Variants in WDFY4 observed in about 807,000 individuals in gnomAD.
WDFY4 encodes the protein WD repeat- and FYVE domain-containing protein 4.
Under a neutral mutation model 351.9 loss-of-function variants are expected in WDFY4, and 169 were observed. That is an observed-to-expected ratio of 0.48 (90% CI 0.42 to 0.55). The LOEUF is 0.55. Ranked by LOEUF, WDFY4 falls within the 20% of genes least tolerant of loss-of-function variation. The pLI, the probability that WDFY4 is intolerant of heterozygous loss-of-function variation, is 0.00. For missense variants in WDFY4, 3,803 were observed against 3,935.6 expected, an observed-to-expected ratio of 0.97 and a Z score of 0.90; for synonymous variants, 1,622 against 1,574.6, an observed-to-expected ratio of 1.03 and a Z score of -0.71.
At chr10:48,760,260 T>C in intron 12 of WDFY4, 87 bp from the exon 13 acceptor site, 1 of 1,229,266 alleles carries the variant, frequency 8.1e-7, no homozygotes, top group Non-Finnish European at 1.2e-6. Context: ...ATGATCTGTC[T>C]TAGAAAGAAA....
chr10:48,826,247 T>A (rs2068005373), intron 35 of WDFY4, among the ~76,000 whole-genome samples: 1 of 152,210 alleles, frequency 6.6e-6, no homozygotes, highest in Non-Finnish European at 1.5e-5. Flanking sequence ...GTCAGGTTTG[T>A]CGAAGATCAG....
At chr10:48,800,711 T>TTTCTTTCC (rs1242506692) in intron 24 of WDFY4, among the ~76,000 whole-genome samples, 11 of 137,742 alleles carry the variant, frequency 8.0e-5, no homozygotes, top group African/African-American at 2.9e-4. Flanking sequence ...TCTTTCTTTC[T>TTTCTTTCC]TTCTTTCTTT....
chr10:48,874,664 A>T (rs1182220080), intron 41 of WDFY4, among the ~76,000 whole-genome samples: 1 of 152,200 alleles, frequency 6.6e-6, no homozygotes, highest in Non-Finnish European at 1.5e-5. Flanking sequence ...AAAATAAAAA[A>T]TAAAAAAAAT....
intron 1 of WDFY4, among the ~76,000 whole-genome samples, chr10:48,697,304 C>T (rs2063356173): frequency 6.6e-6 from 1 of 152,228 alleles, no homozygotes; most frequent in African/African-American, 2.4e-5. Context: ...GTTCTATGAG[C>T]CACCCACATC....
chr10:48,920,492 T>C (rs1838971199), intron 47 of WDFY4, among the ~76,000 whole-genome samples: 1 of 151,758 alleles, frequency 6.6e-6, no homozygotes, highest in Non-Finnish European at 1.5e-5. Context: ...GTTGTGCACA[T>C]ATACCCTAAA....
At position 48,795,522 on chromosome 10, in the gene WDFY4, TACATATATATATACAC is replaced by T. The variant is rs1479158749; in HGVS notation, c.4258-772_4258-757del. 1.8e-3 allele frequency among the ~76,000 whole-genome samples: 193 copies of T among 106,168 alleles called. 10 individuals carry two copies. Among genetic ancestry groups the T allele is most frequent in the African/African-American group, 7.1e-3 (139 of 19,594 alleles). The allele number at this position is 106,168 out of a possible 152,430, so 69.7% of individuals were successfully genotyped here. ...ATATATATATATATATATATATATA[TACATATATATATACAC>T]ACACATGAATAGTCTGGAAAGATAT... On this transcript the variant is annotated intron_variant, in intron 23 of 61. Transcript: ENST00000325239.
chr10:48,784,644 T>C (rs4838648), intron 19 of WDFY4, among the ~76,000 whole-genome samples: 66,912 of 145,710 alleles, frequency 0.46, 17,850 homozygotes, highest in East Asian at 0.85. Context: ...TGGGTTCAAG[T>C]GATTCTTCTG....
intron 53 of WDFY4, among the ~76,000 whole-genome samples, chr10:48,962,216 CAGGTGGTAGGCT>C (rs1458427019): frequency 6.6e-6 from 1 of 152,190 alleles, no homozygotes; most frequent in East Asian, 1.9e-4. Context: ...TACCCCAAGC[CAGGTGGTAGGCT>C]TGGGAGAGCC....
At position 48,786,544 on chromosome 10, in the gene WDFY4, A is replaced by G. The variant is rs187284017; in HGVS notation, c.3577-95A>G. 8,561 of 895,608 alleles carry G rather than the reference A, an allele frequency of 9.6e-3. 67 individuals carry two copies. The highest frequency in any genetic ancestry group is 0.012 in the Non-Finnish European group (7,478 of 618,886). The allele number at this position is 895,608 out of a possible 1,614,324, so 55.5% of individuals were successfully genotyped here. On this transcript the variant is annotated intron_variant, in intron 19 of 61. Transcript: ENST00000325239. ...AGATAAAATACATTTTTACTATGAGATGAGAATAAGATGCATCATGTTATA... is the reference window on the plus strand; with the variant it reads ...AGATAAAATACATTTTTACTATGAGGTGAGAATAAGATGCATCATGTTATA...
At chr10:48,981,149 G>A (rs772929952) in intron 60 of WDFY4, among the ~76,000 whole-genome samples, 2 of 152,192 alleles carry the variant, frequency 1.3e-5, no homozygotes, top group African/African-American at 2.4e-5. Context: ...ACCGAGGCAC[G>A]TCAGCACATG....
At chr10:48,779,605 C>T (rs1172827161) in intron 18 of WDFY4, among the ~76,000 whole-genome samples, 1 of 152,178 alleles carries the variant, frequency 6.6e-6, no homozygotes, top group African/African-American at 2.4e-5. Flanking sequence ...TGAAGCCTGG[C>T]TTCTGGGTTT....
intron 22 of WDFY4, 117 bp from the exon 23 acceptor site, chr10:48,790,610 C>G (rs1050725264): frequency 4.1e-6 from 5 of 1,209,280 alleles, no homozygotes; most frequent in Non-Finnish European, 4.6e-6. Context: ...ACAGGTCCCT[C>G]TGGCTGTGGA....
chr10:48,907,905 G>A (rs1300385268), intron 47 of WDFY4, among the ~76,000 whole-genome samples: 8 of 152,228 alleles, frequency 5.3e-5, no homozygotes, highest in Non-Finnish European at 1.0e-4. Context: ...GAGTCACTGG[G>A]ACCAGAGGCG....
intron 13 of WDFY4, among the ~76,000 whole-genome samples, chr10:48,771,897 G>A (rs896483370): frequency 6.6e-6 from 1 of 152,174 alleles, no homozygotes; most frequent in African/African-American, 2.4e-5. Flanking sequence ...TTACTGGGTG[G>A]TGTAACAGGT....
Position 48,900,314 on chromosome 10 carries a change from C to G in WDFY4, c.7523+8C>G, listed in dbSNP as rs771112271. ...GAGTAAGGCCTTTAAAAGGTAAGAG[C>G]TTGAAAATCCTCCTTCTGAGGAAAC... On this transcript the variant is annotated splice_region_variant and intron_variant, in intron 46 of 61. Coordinates refer to ENST00000325239, the MANE Select transcript of WDFY4 (RefSeq NM_001394531.1). 1.3e-6 allele frequency: 2 copies of G among 1,548,530 alleles called. No homozygotes were observed. Among genetic ancestry groups the G allele is most frequent in the Admixed American group, 2.0e-5 (1 of 50,838 alleles).
intron 2 of WDFY4, among the ~76,000 whole-genome samples, chr10:48,714,263 T>A (rs1385750312): frequency 6.6e-6 from 1 of 152,242 alleles, no homozygotes; most frequent in Non-Finnish European, 1.5e-5. Flanking sequence ...GTCTGGTTTG[T>A]CTTTCCTTAT....
Position 48,903,789 on chromosome 10 carries a change from G to A in WDFY4, c.7586+1926G>A, listed in dbSNP as rs548379776. On this transcript the variant is annotated intron_variant, in intron 47 of 61. Coordinates refer to ENST00000325239, the MANE Select transcript of WDFY4 (RefSeq NM_001394531.1). ...TATGAATCTGGAGTTCAAGAGAGAG[G>A]TTCAAGTGAGACATAAATTTAGAAT... 3.9e-5 allele frequency among the ~76,000 whole-genome samples: 6 copies of A among 152,340 alleles called. No homozygotes were observed. In the South Asian group the frequency reaches 1.2e-3, roughly 32 times the overall value.
At chr10:48,787,937 T>C (rs969102727) in intron 20 of WDFY4, among the ~76,000 whole-genome samples, 5 of 99,770 alleles carry the variant, frequency 5.0e-5, no homozygotes, top group East Asian at 2.8e-4. Context: ...CTTCTTCTTC[T>C]TCTTCTTCTT....
chr10:48,939,724 A>G (rs1840651480), intron 47 of WDFY4, among the ~76,000 whole-genome samples: 1 of 152,222 alleles, frequency 6.6e-6, no homozygotes, highest in African/African-American at 2.4e-5. Context: ...TTAAAACAAT[A>G]TTTTTAAAAA....
Sources: gnomAD v4.1 joint callset for allele counts (sites outside exome capture counted in the v4.1 genomes callset) on GRCh38, gnomAD v4.1.1 for gene constraint, MANE v1.5 for transcripts, NCBI Gene and HGNC (gene_info 2026-07-23, HGNC 2026-07-21) for gene names.